The following GRIN1 variants were observed in gnomAD, a reference collection of about 807,000 sequenced individuals.
The protein encoded by GRIN1 is glutamate ionotropic receptor NMDA type subunit 1.
In GRIN1, 38 loss-of-function variants were observed where a neutral mutation model predicts 103.0. The ratio of observed to expected loss-of-function variants is 0.37; its 90% CI spans 0.28 to 0.48. The LOEUF is 0.48. Among genes scored for constraint, GRIN1 ranks in the 20% least tolerant of loss-of-function variants. The pLI, the probability that GRIN1 is intolerant of heterozygous loss-of-function variation, is 0.98. For missense variants in GRIN1, 577 were observed against 1,288.9 expected, an observed-to-expected ratio of 0.45 and a Z score of 8.46; for synonymous variants, 544 against 532.7, an observed-to-expected ratio of 1.02 and a Z score of -0.29.
At position 137,146,946 on chromosome 9, in the gene GRIN1, G is replaced by T. The variant is rs1192637478; in HGVS notation, c.570+1044G>T. On this transcript the variant is annotated intron_variant, in intron 3 of 19. Transcript: ENST00000371561. This position sits in a 1 kb window ranked among gnomAD's most constrained non-coding sequence, Gnocchi z 6.7. ...GTCGTGGGGGGTCTGCTGAGTCTTG[G>T]GGGGGAGGGGCATGGGCACCAAGGG... Among the ~76,000 whole-genome samples, 7 of 151,858 alleles carry T rather than the reference G, an allele frequency of 4.6e-5. No individual in the cohort carries two copies. Among genetic ancestry groups the T allele is most frequent in the Middle Eastern group, 3.2e-3 (1 of 316 alleles).
intron 10 of GRIN1, 95 bp from the exon 11 acceptor site, chr9:137,161,829 C>T (rs1045094035): frequency 1.5e-6 from 2 of 1,291,470 alleles, no homozygotes; most frequent in Non-Finnish European, 2.2e-6. Flanking sequence ...GGGAGAAGAC[C>T]CCCGGAGTGC....
chr9:137,144,001 G>A lies in GRIN1; in HGVS notation c.394-1725G>A, dbSNP rs556187372. Among the ~76,000 whole-genome samples, 3 of 152,356 alleles carry A rather than the reference G, an allele frequency of 2.0e-5. No individual in the cohort carries two copies. In the South Asian group the frequency reaches 6.2e-4, roughly 32 times the overall value. ...GCACCACGCTCTCGCCTGGGGAGAT[G>A]AGGCCTTTAGCCCCAAGAGTGAATT... On this transcript the variant is annotated intron_variant, in intron 2 of 19. Coordinates refer to ENST00000371561, the MANE Select transcript of GRIN1 (RefSeq NM_007327.4).
intron 4 of GRIN1, among the ~76,000 whole-genome samples, chr9:137,152,698 G>T (rs963401102): frequency 6.6e-6 from 1 of 152,120 alleles, no homozygotes; most frequent in Admixed American, 6.5e-5. Context: ...TAAGAAAAAG[G>T]CCAGCCCAGG....
chr9:137,144,601 G>C (rs1003092232), intron 2 of GRIN1, among the ~76,000 whole-genome samples: 2 of 149,872 alleles, frequency 1.3e-5, no homozygotes, highest in African/African-American at 5.0e-5. Flanking sequence ...CCTGCAGTGA[G>C]CCGAGATTGC....
chr9:137,149,449 AG>A (rs746350997), intron 4 of GRIN1, among the ~76,000 whole-genome samples: 20 of 152,266 alleles, frequency 1.3e-4, no homozygotes, highest in Non-Finnish European at 2.2e-4. Flanking sequence ...AACAAGGCCC[AG>A]GCCTGGGGCC....
At chr9:137,142,410 G>A (rs181555230) in intron 2 of GRIN1, among the ~76,000 whole-genome samples, 9 of 152,110 alleles carry the variant, frequency 5.9e-5, no homozygotes, top group East Asian at 5.8e-4. Context: ...AGCCCAGCAC[G>A]TGCCCCCAGC....
At position 137,139,480 on chromosome 9, in the gene GRIN1, C is replaced by G. The variant is rs1345631575; in HGVS notation, c.-7C>G. The G allele has an allele frequency of 5.7e-6, 9 of 1,569,990 alleles. 1 individual carries two copies. In the South Asian group the frequency reaches 9.0e-5, roughly 16 times the overall value. The stretch of plus-strand genomic sequence containing the variant: ...GCCGCGCAGAGCCAGGCCCGCGGCC[C>G]GAGCCCATGAGCACCATGCGCCTGC... On this transcript the variant is annotated 5_prime_UTR_variant, in exon 1 of 20. Transcript: ENST00000371561. This position sits in a 1 kb window ranked among gnomAD's most constrained non-coding sequence, Gnocchi z 7.7.
chr9:137,162,313 A>T (rs749723622), intron 12 of GRIN1, 23 bp downstream of exon 12: 5 of 1,546,140 alleles, frequency 3.2e-6, no homozygotes, highest in Non-Finnish European at 4.4e-6. Flanking sequence ...CGGGGCTCAG[A>T]CACCTCCATC....
Position 137,167,536 on chromosome 9 carries a change from G to A in GRIN1, c.*9G>A, listed in dbSNP as rs1057523226. 10 of 774,046 alleles carry A rather than the reference G, an allele frequency of 1.3e-5. No individual in the cohort carries two copies. The highest frequency in any genetic ancestry group is 1.8e-5 in the African/African-American group (1 of 54,552). 47.9% of individuals were successfully genotyped at this position (774,046 alleles called of 1,614,324 possible). A position where few individuals can be genotyped will look rare whatever the true frequency, so the allele number is the denominator to read the frequency against. ...GTCATAGGGAGAGCTGAGACTCCCC[G>A]CCCGCCCTCCTCTGCCCCCTCCCCC... is the stretch of plus-strand genomic sequence containing the variant. On this transcript the variant is annotated 3_prime_UTR_variant, in exon 20 of 20. Transcript: ENST00000371561.
At chr9:137,142,266 A>C in intron 2 of GRIN1, 119 bp downstream of exon 2, 1 of 975,378 alleles carries the variant, frequency 1.0e-6, no homozygotes. Flanking sequence ...ACAGCCACAC[A>C]GCTCCCCCAC....
At position 137,141,999 on chromosome 9, in the gene GRIN1, TC is replaced by T; in HGVS notation, c.259-12del. 6.2e-7 allele frequency: 1 copy of T among 1,614,018 alleles called. No individual in the cohort carries two copies. Among genetic ancestry groups the T allele is most frequent in the South Asian group, 1.1e-5 (1 of 91,078 alleles). The stretch of plus-strand genomic sequence containing the variant: ...ACCCCTGACTCAAGCTGATCATGTC[TC>T]CTGTGTCCACAGGTCTACGCCATCC... On this transcript the variant is annotated splice_polypyrimidine_tract_variant and intron_variant, in intron 1 of 19. Transcript: ENST00000371561.
intron 3 of GRIN1, 133 bp from the exon 4 acceptor site, chr9:137,148,876 G>A: frequency 2.8e-6 from 2 of 712,768 alleles, no homozygotes; most frequent in Admixed American, 2.0e-5. Flanking sequence ...CGGAGGCGCA[G>A]GTGGCAGGCG....
In GRIN1 at chr9:137,156,874, C is replaced by T. The variant is rs372248848; in HGVS notation, c.805C>T (p.Leu269=). The change falls in exon 6 of 20, where the codon CTG becomes TTG. Residue 269 remains leucine, a synonymous_variant. Coordinates refer to ENST00000371561, the MANE Select transcript of GRIN1 (RefSeq NM_007327.4). ...GCATGCTCGCCTAGGCATCCTCGGGCTGCAGCTCATCAACGGCAAGAACGA... is the reference window on the plus strand; with the variant it reads ...GCATGCTCGCCTAGGCATCCTCGGGTTGCAGCTCATCAACGGCAAGAACGA... ...LRYAPDGILG[L]QLINGKNESA... The T allele has an allele frequency of 1.2e-6, 2 of 1,611,668 alleles. No individual in the cohort carries two copies. Among genetic ancestry groups the T allele is most frequent in the Non-Finnish European group, 1.7e-6 (2 of 1,179,566 alleles).
At chr9:137,161,839 C>T (rs1316333603) in intron 10 of GRIN1, 85 bp from the exon 11 acceptor site, 2 of 1,385,902 alleles carry the variant, frequency 1.4e-6, no homozygotes, top group Non-Finnish European at 9.9e-7. Context: ...CCCCGGAGTG[C>T]TCTAGGGCGG....
intron 8 of GRIN1, among the ~76,000 whole-genome samples, chr9:137,160,226 A>T (rs966780208): frequency 2.1e-4 from 32 of 152,234 alleles, no homozygotes; most frequent in African/African-American, 6.8e-4. Flanking sequence ...GGGCCGGGAC[A>T]GGCAGTGCGC....
rs2131272367 is a variant in GRIN1, at chr9:137,156,854, C to T, written c.794-9C>T. On this transcript the variant is annotated splice_polypyrimidine_tract_variant and intron_variant, in intron 5 of 19. Transcript: ENST00000371561. ...GACCCCACGGGCTCTGAGTCGCATG[C>T]TCGCCTAGGCATCCTCGGGCTGCAG... is the stretch of plus-strand genomic sequence containing the variant. 1 of 1,610,226 alleles carries T rather than the reference C, an allele frequency of 6.2e-7. No homozygotes were observed. The highest frequency in any genetic ancestry group is 8.5e-7 in the Non-Finnish European group (1 of 1,178,830).
chr9:137,153,351 G>T (rs1401152985), intron 4 of GRIN1, among the ~76,000 whole-genome samples: 2 of 151,048 alleles, frequency 1.3e-5, no homozygotes, highest in Non-Finnish European at 2.9e-5. Context: ...ATTGTGTATA[G>T]GTCATACACA....
At chr9:137,156,612 G>T in intron 4 of GRIN1, 57 bp from the exon 5 acceptor site, 2 of 1,576,908 alleles carry the variant, frequency 1.3e-6, no homozygotes, top group Non-Finnish European at 8.6e-7. Flanking sequence ...CTGGGCCTGC[G>T]GAGCGCCGCG....
chr9:137,159,492 C>T (rs1833413980), intron 8 of GRIN1, among the ~76,000 whole-genome samples: 2 of 152,220 alleles, frequency 1.3e-5, no homozygotes, highest in Non-Finnish European at 2.9e-5. Context: ...TGTGGCCTCT[C>T]ACCCAAGCTC....
Sources: gnomAD v4.1 joint callset for allele counts (sites outside exome capture counted in the v4.1 genomes callset) on GRCh38, gnomAD v4.1.1 for gene constraint, Gnocchi (gnomAD v3.1) non-coding constraint, MANE v1.5 for transcripts, NCBI Gene and HGNC (gene_info 2026-07-23, HGNC 2026-07-21) for gene names.